The following BMP1 variants were observed in gnomAD, a reference collection of about 807,000 sequenced individuals.
The protein encoded by BMP1 is bone morphogenetic protein 1, also known as mammalian tolloid protein.
In BMP1, 63 loss-of-function variants were observed where a neutral mutation model predicts 116.8. The observed-to-expected ratio is 0.54, with a 90% CI of 0.44 to 0.67. The LOEUF is 0.67. Ranked by LOEUF, BMP1 falls within the 30% of genes least tolerant of loss-of-function variation. The pLI is 0.00. For synonymous variants in BMP1, 536 were observed against 533.4 expected, an observed-to-expected ratio of 1.00 and a Z score of -0.07; for missense variants, 1,183 against 1,358.9, an observed-to-expected ratio of 0.87 and a Z score of 2.04.
At chr8:22,173,881 G>A in intron 2 of BMP1, among the ~76,000 whole-genome samples, 166 bp downstream of exon 2, 1 of 152,196 alleles carries the variant, frequency 6.6e-6, no homozygotes, top group African/African-American at 2.4e-5. Context: ...CCCTTCCCCA[G>A]AGGAGTAGTA....
rs895026595 is a variant in BMP1 at position 22,199,174 on chromosome 8, C to T, written c.2107+1754C>T. 10 of 1,367,550 alleles carry T rather than the reference C, an allele frequency of 7.3e-6. No individual in the cohort carries two copies. The Admixed American group carries it at 1.5e-4, about 21-fold the overall frequency. 84.7% of individuals were successfully genotyped at this position (1,367,550 alleles called of 1,614,324 possible). On this transcript the variant is annotated intron_variant, in intron 15 of 19. Transcript: ENST00000306385. ...GCACACACATGTGCACACACATTGCCCCATCGCACAAGAAACCTGCAGAGG... is the reference window on the plus strand; with the variant it reads ...GCACACACATGTGCACACACATTGCTCCATCGCACAAGAAACCTGCAGAGG...
Position 22,202,715 on chromosome 8 carries a change from A to C in BMP1, c.2233+787A>C, listed in dbSNP as rs572309713. On this transcript the variant is annotated intron_variant, in intron 16 of 19. Coordinates refer to ENST00000306385, the MANE Select transcript of BMP1 (RefSeq NM_006129.5). ...TTTTAAACAGGTTTTTAAACTAGAA[A>C]TAAAGTAAAATAGGCCAGTGCGGTG... is the stretch of plus-strand genomic sequence containing the variant. 2.1e-4 allele frequency among the ~76,000 whole-genome samples: 32 copies of C among 152,364 alleles called. No homozygotes were observed. The South Asian group carries it at 3.1e-3, about 15-fold the overall frequency.
chr8:22,208,162 G>T (rs893523358), intron 18 of BMP1, among the ~76,000 whole-genome samples: 15 of 152,354 alleles, frequency 9.8e-5, no homozygotes, highest in African/African-American at 3.6e-4. Context: ...GAGATTACAG[G>T]CGTGAGCCAC....
rs140606425 is a variant in BMP1, at chr8:22,183,804, G to A, written c.1077+3321G>A. Among the ~76,000 whole-genome samples the A allele has an allele frequency of 7.7e-3, 1,169 of 152,124 alleles. 13 individuals carry two copies. The highest frequency in any genetic ancestry group is 0.026 in the African/African-American group (1,077 of 41,482). ...TTGGTCAGGCTGGTCTCGAACTCCC[G>A]ACCTGAGGTGATTCGCCTGCCTCGG... On this transcript the variant is annotated intron_variant, in intron 8 of 19. Transcript: ENST00000306385.
In BMP1 at chr8:22,174,790, G is replaced by A. The variant is rs192301400; in HGVS notation, c.262+1075G>A. Among the ~76,000 whole-genome samples, 481 of 151,978 alleles carry A rather than the reference G, an allele frequency of 3.2e-3. 6 individuals carry two copies. The highest frequency in any genetic ancestry group is 0.011 in the African/African-American group (461 of 41,460). On this transcript the variant is annotated intron_variant, in intron 2 of 19. Coordinates refer to ENST00000306385, the MANE Select transcript of BMP1 (RefSeq NM_006129.5). ...TGGGACCACAGGCATGCAACACCAC[G>A]CCTGGCCAATTTTTTATATTTTTAG...
In BMP1 at chr8:22,195,403, C is replaced by G. The variant is rs550429544; in HGVS notation, c.1640-59C>G. On this transcript the variant is annotated intron_variant, in intron 12 of 19. Transcript: ENST00000306385. The stretch of plus-strand genomic sequence containing the variant: ...GGGCTGAGTGGACAAGTGAGGCTCA[C>G]AGCCAGCTTCTTCCCTTGAATGCCT... 3.9e-6 allele frequency: 6 copies of G among 1,553,018 alleles called. No individual in the cohort carries two copies. The East Asian group carries it at 1.4e-4, about 36-fold the overall frequency.
At chr8:22,184,871 G>A (rs938312544) in intron 8 of BMP1, among the ~76,000 whole-genome samples, 5 of 152,304 alleles carry the variant, frequency 3.3e-5, no homozygotes, top group Admixed American at 6.5e-5. Context: ...AAATAATGCC[G>A]CCTGCTTTAG....
chr8:22,181,302 G>A (rs1049523932), intron 8 of BMP1, among the ~76,000 whole-genome samples: 4 of 152,154 alleles, frequency 2.6e-5, no homozygotes, highest in Non-Finnish European at 4.4e-5. Flanking sequence ...GGCTGGCTTC[G>A]GGCATACTAC....
At chr8:22,168,831 C>T (rs1828193935) in intron 1 of BMP1, among the ~76,000 whole-genome samples, 1 of 151,906 alleles carries the variant, frequency 6.6e-6, no homozygotes, top group South Asian at 2.1e-4. Flanking sequence ...CTGGGCCCTA[C>T]ATGGGGCAGG....
At chr8:22,203,082 C>T (rs1333865339) in intron 16 of BMP1, among the ~76,000 whole-genome samples, 2 of 152,164 alleles carry the variant, frequency 1.3e-5, no homozygotes, top group Non-Finnish European at 2.9e-5. Flanking sequence ...CCTAATACCT[C>T]CTGGGACTTG....
Position 22,209,414 on chromosome 8 carries a change from A to G in BMP1, c.2576-31A>G. 1.9e-6 allele frequency: 3 copies of G among 1,609,830 alleles called. No homozygotes were observed. In the South Asian group the frequency reaches 3.3e-5, roughly 18 times the overall value. ...ATGGGGCCTGGCACCTGCGGTGCTC[A>G]GGGCTGGTTGGCCCCTCTTGTCCCC... On this transcript the variant is annotated intron_variant, in intron 18 of 19. Transcript: ENST00000306385.
At chr8:22,178,514 G>C (rs566000492) in intron 6 of BMP1, among the ~76,000 whole-genome samples, 1 of 152,080 alleles carries the variant, frequency 6.6e-6, no homozygotes, top group Admixed American at 6.5e-5. Flanking sequence ...GGGCTGAAGG[G>C]ATCCTCCCAC....
chr8:22,179,515 C>A lies in BMP1; in HGVS notation c.837-190C>A, dbSNP rs1048667000. Among the ~76,000 whole-genome samples, 1 of 152,170 alleles carries A rather than the reference C, an allele frequency of 6.6e-6. No individual in the cohort carries two copies. The highest frequency in any genetic ancestry group is 2.4e-5 in the African/African-American group (1 of 41,448). Reference sequence around the variant, plus strand: ...CCCGACTCCTGTGGTGTGGCTGCCACGGAGCAGGGTGGCTGCTGGTCAGTG... The same window carrying A: ...CCCGACTCCTGTGGTGTGGCTGCCAAGGAGCAGGGTGGCTGCTGGTCAGTG... On this transcript the variant is annotated intron_variant, in intron 6 of 19. Coordinates refer to ENST00000306385, the MANE Select transcript of BMP1 (RefSeq NM_006129.5). This position sits in a 1 kb window ranked among gnomAD's most constrained non-coding sequence, Gnocchi z 4.6.
rs762726234 is a variant in BMP1 at position 22,176,301 on chromosome 8, G to A, written c.421G>A (p.Gly141Arg). ...PDGVIPFVIG[G>R]NFTGSQRAVF... ...TGGGGTCATCCCCTTTGTCATTGGG[G>A]GAAACTTCACTGGTGAGCGTGCTAT... Residue 141 changes from glycine to arginine, a missense_variant, in exon 3 of 20, where the codon GGA becomes AGA. Around this residue, in one of 4 missense-constraint regions of BMP1, gnomAD observed 40 missense variants for 47.5 expected, o/e 0.84. Transcript: ENST00000306385. The A allele has an allele frequency of 1.1e-5, 18 of 1,599,382 alleles. No individual in the cohort carries two copies. Among genetic ancestry groups the A allele is most frequent in the Non-Finnish European group, 3.4e-6 (4 of 1,171,644 alleles).
chr8:22,185,146 G>C (rs1828730304), intron 8 of BMP1, among the ~76,000 whole-genome samples: 1 of 152,162 alleles, frequency 6.6e-6, no homozygotes, highest in Non-Finnish European at 1.5e-5. Flanking sequence ...TTTATGAGGA[G>C]GAGACGGTTT....
At chr8:22,195,405 G>T in intron 12 of BMP1, 57 bp from the exon 13 acceptor site, 1 of 1,555,790 alleles carries the variant, frequency 6.4e-7, no homozygotes, top group Non-Finnish European at 8.7e-7. Context: ...GAGGCTCACA[G>T]CCAGCTTCTT....
intron 1 of BMP1, among the ~76,000 whole-genome samples, chr8:22,167,765 A>G (rs1306130605): frequency 1.3e-5 from 2 of 152,168 alleles, no homozygotes; most frequent in Non-Finnish European, 2.9e-5. Flanking sequence ...GGGTCAGATC[A>G]GGCCTCCCTC....
chr8:22,204,895 G>T (rs1021621736), intron 16 of BMP1, among the ~76,000 whole-genome samples: 1 of 152,200 alleles, frequency 6.6e-6, no homozygotes, highest in Non-Finnish European at 1.5e-5. Context: ...GTAGCTGGAG[G>T]GGCCTGGGAG....
chr8:22,210,095 G>A (rs574633807), intron 19 of BMP1, among the ~76,000 whole-genome samples: 28 of 152,386 alleles, frequency 1.8e-4, no homozygotes, highest in East Asian at 5.8e-4. Flanking sequence ...GCGCCTGAGC[G>A]GAGTGGCCCT....
Sources: allele counts gnomAD v4.1 joint callset (sites outside exome capture counted in the v4.1 genomes callset), GRCh38; gene constraint gnomAD v4.1.1; regional missense constraint gnomAD v4.1.1; non-coding constraint Gnocchi (gnomAD v3.1); transcripts MANE v1.5; gene names NCBI Gene and HGNC (gene_info 2026-07-23, HGNC 2026-07-21).